NPFFR2: variants seen among roughly 807,000 people sequenced by gnomAD.
The protein encoded by NPFFR2 is G-protein coupled receptor 74.
A neutral mutation model predicts 13.1 loss-of-function variants in NPFFR2; 15 were observed. The observed-to-expected ratio is 1.15, with a 90% confidence interval of 0.77 to 1.76. The LOEUF (loss-of-function observed/expected upper bound fraction) is 1.76, where lower values mean the gene tolerates loss of function less well. Among genes scored for constraint, NPFFR2 ranks in the 40% most tolerant of loss-of-function variants. The pLI is 0.00. For missense variants in NPFFR2, 572 were observed against 503.5 expected, an observed-to-expected ratio of 1.14 and a Z score of -1.30; for synonymous variants, 190 against 175.7, an observed-to-expected ratio of 1.08 and a Z score of -0.65.
chr4:72,080,833 C>T lies in NPFFR2; in HGVS notation c.-7-47752C>T, dbSNP rs535444578. On this transcript the variant is annotated intron_variant, in intron 1 of 3. Coordinates refer to ENST00000308744, the MANE Select transcript of NPFFR2 (RefSeq NM_004885.3). ...TGAGAGTCACTGACAACTACAGAGG[C>T]GCTCGGCTTTTCCTCACTTTCCTCT... Among the ~76,000 whole-genome samples, 119 of 146,916 alleles carry T rather than the reference C, an allele frequency of 8.1e-4. 2 individuals carry two copies. In the Middle Eastern group the frequency reaches 0.01, roughly 13 times the overall value.
At chr4:72,062,207 A>G (rs1719938809) in intron 1 of NPFFR2, among the ~76,000 whole-genome samples, 1 of 152,108 alleles carries the variant, frequency 6.6e-6, no homozygotes, top group African/African-American at 2.4e-5. Context: ...GCTTTTACAT[A>G]AAGGACACTC....
intron 1 of NPFFR2, among the ~76,000 whole-genome samples, chr4:72,094,281 G>A (rs1720993456): frequency 6.6e-6 from 1 of 152,150 alleles, no homozygotes; most frequent in South Asian, 2.1e-4. Flanking sequence ...TTGTATTTTT[G>A]CTAAGTACTG....
At chr4:72,034,680 A>T (rs952978289) in intron 1 of NPFFR2, among the ~76,000 whole-genome samples, 1 of 152,164 alleles carries the variant, frequency 6.6e-6, no homozygotes, top group Non-Finnish European at 1.5e-5. Flanking sequence ...TTAACAGCTG[A>T]TTTTCTTTTC....
At chr4:72,077,656 A>G (rs58957401) in intron 1 of NPFFR2, among the ~76,000 whole-genome samples, 8,932 of 152,186 alleles carry the variant, frequency 0.059, 840 homozygotes, top group East Asian at 0.47. Context: ...ACAGGCACCC[A>G]CTGAAAGTCC....
intron 1 of NPFFR2, among the ~76,000 whole-genome samples, chr4:72,096,411 G>T (rs1721073122): frequency 6.6e-6 from 1 of 152,080 alleles, no homozygotes. Flanking sequence ...TTTAATAAAT[G>T]CTGTTGAATT....
intron 1 of NPFFR2, among the ~76,000 whole-genome samples, chr4:72,125,442 G>A (rs556087056): frequency 6.6e-6 from 1 of 152,300 alleles, no homozygotes; most frequent in African/African-American, 2.4e-5. Flanking sequence ...GGGAAGTATA[G>A]GTGGTCTATT....
intron 1 of NPFFR2, among the ~76,000 whole-genome samples, chr4:72,035,551 G>T (rs773362375): frequency 4.5e-4 from 69 of 152,092 alleles, no homozygotes; most frequent in Non-Finnish European, 3.4e-4. Context: ...TAAACTTAAT[G>T]CCACACATGA....
chr4:72,110,764 G>A (rs1721543192), intron 1 of NPFFR2, among the ~76,000 whole-genome samples: 1 of 151,900 alleles, frequency 6.6e-6, no homozygotes, highest in Admixed American at 6.6e-5. Context: ...GTATGTTCTG[G>A]TTTCGGGTGC....
chr4:72,100,318 A>G (rs1035071146), intron 1 of NPFFR2, among the ~76,000 whole-genome samples: 13 of 152,142 alleles, frequency 8.5e-5, no homozygotes, highest in African/African-American at 2.9e-4. Flanking sequence ...CTGGATTCAA[A>G]TTTTGGCTCT....
chr4:72,091,788 T>C (rs1720925441), intron 1 of NPFFR2, among the ~76,000 whole-genome samples: 1 of 152,072 alleles, frequency 6.6e-6, no homozygotes, highest in Non-Finnish European at 1.5e-5. Flanking sequence ...GAATCAGCTG[T>C]TTGTTTCATT....
At position 72,140,223 on chromosome 4, in the gene NPFFR2, T is replaced by C. The variant is rs573136050; in HGVS notation, c.428+2084T>C. ...TGCAAAGAGGAACAATTTGACTTCCTCCTTTCCTAATTGAATACACTTTAT... is the reference window on the plus strand; with the variant it reads ...TGCAAAGAGGAACAATTTGACTTCCCCCTTTCCTAATTGAATACACTTTAT... On this transcript the variant is annotated intron_variant, in intron 3 of 3. Transcript: ENST00000308744. Among the ~76,000 whole-genome samples, 143 of 152,346 alleles carry C rather than the reference T, an allele frequency of 9.4e-4. 1 individual carries two copies. Among genetic ancestry groups the C allele is most frequent in the African/African-American group, 3.3e-3 (139 of 41,582 alleles).
chr4:72,041,909 C>A (rs1719232469), intron 1 of NPFFR2, among the ~76,000 whole-genome samples: 1 of 152,120 alleles, frequency 6.6e-6, no homozygotes, highest in African/African-American at 2.4e-5. Context: ...GCATAGTTTG[C>A]AAATATTTTC....
At chr4:72,043,324 GTCC>G (rs1186941944) in intron 1 of NPFFR2, among the ~76,000 whole-genome samples, 2 of 152,204 alleles carry the variant, frequency 1.3e-5, no homozygotes, top group Non-Finnish European at 2.9e-5. Context: ...CCCTGAGAGA[GTCC>G]TCACTGGGGC....
At chr4:72,075,866 A>C (rs1265365289) in intron 1 of NPFFR2, among the ~76,000 whole-genome samples, 1 of 151,990 alleles carries the variant, frequency 6.6e-6, no homozygotes, top group Non-Finnish European at 1.5e-5. Flanking sequence ...GTTGCACAAC[A>C]ATATGAATGT....
chr4:72,090,510 TTA>T (rs1229003162), intron 1 of NPFFR2, among the ~76,000 whole-genome samples: 3 of 152,150 alleles, frequency 2.0e-5, no homozygotes, highest in Admixed American at 6.6e-5. Flanking sequence ...CAGCAGTGTT[TTA>T]TAGTTTTCCT....
At chr4:72,062,762 A>T (rs552356332) in intron 1 of NPFFR2, among the ~76,000 whole-genome samples, 1 of 152,194 alleles carries the variant, frequency 6.6e-6, no homozygotes, top group Admixed American at 6.5e-5. Context: ...CTGTTAGAGG[A>T]TGAGACTTGT....
In NPFFR2 at chr4:72,038,618, C is replaced by T. The variant is rs1719107300; in HGVS notation, c.-8+6418C>T. ...ATGGAAAAAAATTTGAAAAAGCTAT[C>T]ATTGCACCATTTTAATATACATTCA... is the stretch of plus-strand genomic sequence containing the variant. On this transcript the variant is annotated intron_variant, in intron 1 of 3. Transcript: ENST00000308744. Among the ~76,000 whole-genome samples the T allele has an allele frequency of 2.6e-5, 4 of 151,990 alleles. No homozygotes were observed. The South Asian group carries it at 8.3e-4, about 32-fold the overall frequency.
At chr4:72,094,141 C>T (rs1021257116) in intron 1 of NPFFR2, among the ~76,000 whole-genome samples, 3 of 152,138 alleles carry the variant, frequency 2.0e-5, no homozygotes, top group African/African-American at 7.2e-5. Context: ...CCAGGCTCCA[C>T]CTGGTGCTTG....
intron 1 of NPFFR2, among the ~76,000 whole-genome samples, chr4:72,090,762 A>G (rs1370343831): frequency 6.6e-6 from 1 of 152,082 alleles, no homozygotes. Flanking sequence ...ACACGATCAT[A>G]TCATCAGTGA....
Sources: gnomAD v4.1 joint callset for allele counts (sites outside exome capture counted in the v4.1 genomes callset) on GRCh38, gnomAD v4.1.1 for gene constraint, MANE v1.5 for transcripts, NCBI Gene and HGNC (gene_info 2026-07-23, HGNC 2026-07-21) for gene names.